Variants in TLE6 observed in about 807,000 individuals in gnomAD.
TLE6 encodes transducin-like enhancer protein 6.
A neutral mutation model predicts 77.1 loss-of-function variants in TLE6; 72 were observed. That is an observed-to-expected ratio of 0.93 (90% CI 0.77 to 1.14). The LOEUF (loss-of-function observed/expected upper bound fraction) is 1.14, where lower values mean the gene tolerates loss of function less well. Among genes scored for constraint, TLE6 ranks in the 50% most tolerant of loss-of-function variants. TLE6 has a pLI of 0.00. For synonymous variants in TLE6, 366 were observed against 287.3 expected (o/e 1.27, Z -2.77); for missense variants, 843 against 747.6 (o/e 1.13, Z -1.49).
intron 3 of TLE6, among the ~76,000 whole-genome samples, chr19:2,981,149 A>G (rs1192106892): frequency 6.6e-6 from 1 of 152,058 alleles, no homozygotes; most frequent in Non-Finnish European, 1.5e-5. Context: ...ACCTGGAGTC[A>G]GGGGTTTGAC....
chr19:2,986,459 A>G, intron 5 of TLE6, among the ~76,000 whole-genome samples: 1 of 151,822 alleles, frequency 6.6e-6, no homozygotes, highest in East Asian at 1.9e-4. Context: ...TATGCCTATA[A>G]TCCCAGCACT....
intron 11 of TLE6, 115 bp downstream of exon 11, chr19:2,988,243 C>T (rs989800503): frequency 9.5e-6 from 11 of 1,156,588 alleles, no homozygotes; most frequent in South Asian, 4.4e-5. Flanking sequence ...ACTTTCTTCC[C>T]CTTTTCCCAT....
chr19:2,985,557 T>C (rs1207304272), intron 5 of TLE6, among the ~76,000 whole-genome samples: 2 of 148,294 alleles, frequency 1.3e-5, no homozygotes, highest in Non-Finnish European at 3.0e-5. Flanking sequence ...TACAGGCACC[T>C]GCCACCATGC....
intron 3 of TLE6, 175 bp downstream of exon 3, chr19:2,980,357 T>C (rs1034622999): frequency 4.4e-6 from 2 of 453,120 alleles, no homozygotes; most frequent in Non-Finnish European, 7.9e-6. Context: ...TCCCAGCTTT[T>C]GATTAAACAA....
intron 4 of TLE6, among the ~76,000 whole-genome samples, chr19:2,981,892 A>G (rs1411594472): frequency 1.3e-5 from 2 of 152,018 alleles, no homozygotes; most frequent in African/African-American, 4.8e-5. Context: ...GAATCGCTTG[A>G]GCCCAGGAGG....
At chr19:2,983,597 C>T (rs540675147) in intron 5 of TLE6, among the ~76,000 whole-genome samples, 9 of 128,508 alleles carry the variant, frequency 7.0e-5, no homozygotes, top group African/African-American at 2.8e-4. Context: ...CGAGGAAGCC[C>T]GCATGGCTGG....
chr19:2,986,911 A>G lies in TLE6; in HGVS notation c.285+20A>G. The G allele has an allele frequency of 1.3e-6, 2 of 1,552,312 alleles. No homozygotes were observed. The highest frequency in any genetic ancestry group is 1.7e-6 in the Non-Finnish European group (2 of 1,147,238). On this transcript the variant is annotated intron_variant, in intron 6 of 16. Coordinates refer to ENST00000246112, the MANE Select transcript of TLE6 (RefSeq NM_001143986.2). Reference sequence around the variant, plus strand: ...GAGGAGGTGAGTTTCTGGGTCTTCAAGGAGGGGAGGGGACAGGCTTGGGTG... The same window carrying G: ...GAGGAGGTGAGTTTCTGGGTCTTCAGGGAGGGGAGGGGACAGGCTTGGGTG...
intron 2 of TLE6, 143 bp from the exon 3 acceptor site, chr19:2,979,957 C>T (rs759178568): frequency 4.5e-6 from 2 of 446,676 alleles, no homozygotes; most frequent in Middle Eastern, 4.9e-4. Flanking sequence ...GAGCAAGACT[C>T]GGTTTCCAAA....
chr19:2,993,017 C>T (rs1179670956), intron 14 of TLE6, among the ~76,000 whole-genome samples: 10 of 134,088 alleles, frequency 7.5e-5, no homozygotes, highest in East Asian at 2.1e-4. Context: ...GGTGAAACCC[C>T]GTCTCTACTA....
chr19:2,991,051 T>TACAC (rs111634847), intron 13 of TLE6, among the ~76,000 whole-genome samples: 4 of 149,238 alleles, frequency 2.7e-5, no homozygotes, highest in South Asian at 2.1e-4. Flanking sequence ...CATATATGTA[T>TACAC]ACACACACAC....
intron 2 of TLE6, 26 bp from the exon 3 acceptor site, chr19:2,980,074 A>T: frequency 6.5e-7 from 1 of 1,538,532 alleles, no homozygotes; most frequent in Non-Finnish European, 8.8e-7. Flanking sequence ...TGTAAGTTTT[A>T]TGTAACCTTG....
chr19:2,987,066 C>A lies in TLE6; in HGVS notation c.369C>A (p.Ile123=). Residue 123 remains isoleucine (I), a synonymous_variant, in exon 7 of 17, where the codon ATC becomes ATA. Transcript: ENST00000246112. The part of the protein sequence containing the change: ...KTLQESSFED[I]MATRSSDWLR... ...TGCAGGAGTCGAGCTTTGAGGACAT[C>A]ATGGCCACCAGGTCCTCCGACTGGC... is the stretch of plus-strand genomic sequence containing the variant. 6.2e-7 allele frequency: 1 copy of A among 1,614,156 alleles called. No individual in the cohort carries two copies. The highest frequency in any genetic ancestry group is 8.5e-7 in the Non-Finnish European group (1 of 1,180,016).
In TLE6 at chr19:2,987,167, A is replaced by G. The variant is rs765136258; in HGVS notation, c.470A>G (p.Asp157Gly). 13 of 1,614,000 alleles carry G rather than the reference A, an allele frequency of 8.1e-6. No homozygotes were observed. The Admixed American group carries it at 2.2e-4, about 27-fold the overall frequency. ...GACAAGGAGCCTTGGTTTTGGCACG[A>G]CACTCTGACCGAGCAACTCTGGCGG... ...FWDKEPWFWHDTLTEQLWRIF... is the reference protein window; with the variant it reads ...FWDKEPWFWHGTLTEQLWRIF... Residue 157 changes from aspartate (D) to glycine (G), a missense_variant, in exon 7 of 17, where the codon GAC becomes GGC. Physicochemically the swap from Asp to Gly is moderately conservative, Grantham distance 94. Coordinates refer to ENST00000246112, the MANE Select transcript of TLE6 (RefSeq NM_001143986.2).
intron 13 of TLE6, among the ~76,000 whole-genome samples, chr19:2,991,435 A>G (rs1026654482): frequency 6.9e-6 from 1 of 145,824 alleles, no homozygotes; most frequent in Admixed American, 6.9e-5. Context: ...CATATATATA[A>G]TATATGTATT....
At chr19:2,988,717 T>A (rs2088972863) in intron 11 of TLE6, among the ~76,000 whole-genome samples, 2 of 152,110 alleles carry the variant, frequency 1.3e-5, no homozygotes, top group Non-Finnish European at 2.9e-5. Flanking sequence ...GGATGCAGAT[T>A]GTCCCAACCT....
intron 8 of TLE6, 160 bp downstream of exon 8, chr19:2,987,532 T>G: frequency 8.6e-7 from 1 of 1,169,364 alleles, no homozygotes; most frequent in Non-Finnish European, 1.2e-6. Flanking sequence ...GAGGCTATAC[T>G]GGAGTAGCCC....
intron 13 of TLE6, among the ~76,000 whole-genome samples, chr19:2,990,330 C>T (rs1457812189): frequency 6.6e-6 from 1 of 151,586 alleles, no homozygotes; most frequent in Non-Finnish European, 1.5e-5. Flanking sequence ...TGGCCGGGCG[C>T]AGTGGCTCAC....
At chr19:2,989,925 C>T (rs1273108748) in intron 13 of TLE6, 140 bp downstream of exon 13, 2 of 1,200,748 alleles carry the variant, frequency 1.7e-6, no homozygotes, top group Admixed American at 2.6e-5. Context: ...GCCAAAACCC[C>T]TTGCCCCCTT....
In TLE6 at chr19:2,987,105, G is replaced by T. The variant is rs368460177; in HGVS notation, c.408G>T (p.Leu136Phe). ...TRSSDWLRRP[L>F]GEDNQPETQL... ...CCTCCGACTGGCTCCGGCGGCCTTT[G>T]GGGGAGGACAATCAGCCGGAGACCC... The change falls in exon 7 of 17, where the codon TTG becomes TTT. Residue 136 changes from leucine (L) to phenylalanine (F), a missense_variant. Transcript: ENST00000246112. 6 of 1,614,118 alleles carry T rather than the reference G, an allele frequency of 3.7e-6. No individual in the cohort carries two copies. The highest frequency in any genetic ancestry group is 3.3e-5 in the South Asian group (3 of 91,090).
Sources: allele counts gnomAD v4.1 joint callset (sites outside exome capture counted in the v4.1 genomes callset), GRCh38; gene constraint gnomAD v4.1.1; transcripts MANE v1.5; gene names NCBI Gene and HGNC (gene_info 2026-07-23, HGNC 2026-07-21).